Variants in PCDHGA3 observed in about 807,000 individuals in gnomAD.
PCDHGA3 encodes the protein protocadherin gamma-A3.
Under a neutral mutation model 58.5 loss-of-function variants are expected in PCDHGA3, and 40 were observed. The observed-to-expected ratio is 0.68, with a 90% CI of 0.53 to 0.89. PCDHGA3 has a LOEUF of 0.89. Among genes scored for constraint, PCDHGA3 ranks in the 40% least tolerant of loss-of-function variants. The pLI, the probability that PCDHGA3 is intolerant of heterozygous loss-of-function variation, is 0.00. For missense variants in PCDHGA3, 1,223 were observed against 1,195.9 expected, an observed-to-expected ratio of 1.02 and a Z score of -0.33; for synonymous variants, 530 against 525.7, an observed-to-expected ratio of 1.01 and a Z score of -0.11.
intron 1 of PCDHGA3, among the ~76,000 whole-genome samples, chr5:141,464,162 G>A (rs1030872607): frequency 6.6e-6 from 1 of 151,946 alleles, no homozygotes; most frequent in African/African-American, 2.4e-5. Context: ...CTACTTGGAA[G>A]GCTGAGGCAG....
chr5:141,508,647 C>T (rs1301017914), intron 3 of PCDHGA3, among the ~76,000 whole-genome samples: 4 of 152,090 alleles, frequency 2.6e-5, no homozygotes, highest in African/African-American at 9.7e-5. Flanking sequence ...CTCCGTCAGG[C>T]CCTTCCTGTC....
intron 1 of PCDHGA3, chr5:141,357,255 C>T (rs1760523237): frequency 3.1e-6 from 5 of 1,613,736 alleles, no homozygotes; most frequent in Non-Finnish European, 4.2e-6. Flanking sequence ...CAGACCCAGA[C>T]GACTCGGGCC....
chr5:141,502,524 C>T (rs959562458), intron 2 of PCDHGA3, among the ~76,000 whole-genome samples: 3 of 151,910 alleles, frequency 2.0e-5, no homozygotes, highest in East Asian at 1.9e-4. Flanking sequence ...TCAGTGATGC[C>T]GAGTTTGTTC....
At chr5:141,375,793 C>T (rs761231690) in intron 1 of PCDHGA3, 4 of 1,614,110 alleles carry the variant, frequency 2.5e-6, no homozygotes, top group East Asian at 4.5e-5. Context: ...TCCCCACAGA[C>T]GGTTCCACTG....
At position 141,485,680 on chromosome 5, in the gene PCDHGA3, C is replaced by A. The variant is rs1450674419; in HGVS notation, c.2425-9127C>A. The A allele has an allele frequency of 6.2e-7, 1 of 1,613,966 alleles. No individual in the cohort carries two copies. On this transcript the variant is annotated intron_variant, in intron 1 of 3. Transcript: ENST00000253812. The surrounding 1 kb of genome is among the most constrained non-coding windows in gnomAD (Gnocchi z 5.7). ...ATGTGGGGAGCAATTCGATTAGCAGCTATAGGCTGAGCTCCAATGAACACT... is the reference window on the plus strand; with the variant it reads ...ATGTGGGGAGCAATTCGATTAGCAGATATAGGCTGAGCTCCAATGAACACT...
intron 1 of PCDHGA3, chr5:141,405,551 A>G: frequency 1.6e-6 from 1 of 623,672 alleles, no homozygotes; most frequent in Non-Finnish European, 2.8e-6. Context: ...TCCCAAGTAG[A>G]GTAGCTGGGA....
chr5:141,446,988 C>T (rs548721486), intron 1 of PCDHGA3, among the ~76,000 whole-genome samples: 1 of 152,154 alleles, frequency 6.6e-6, no homozygotes, highest in Non-Finnish European at 1.5e-5. Flanking sequence ...TCATACTCCA[C>T]TCTTCAGACT....
rs1407016089 is a variant in PCDHGA3 at position 141,489,914 on chromosome 5, C to T, written c.2425-4893C>T. On this transcript the variant is annotated intron_variant, in intron 1 of 3. Coordinates refer to ENST00000253812, the MANE Select transcript of PCDHGA3 (RefSeq NM_018916.4). The surrounding 1 kb of genome is among the most constrained non-coding windows in gnomAD (Gnocchi z 4.5). Reference sequence around the variant, plus strand: ...GGGGGGACCCCAGCCCGCTCAGGGACCACCCTTATCTCTGTCATCGTGCTG... The same window carrying T: ...GGGGGGACCCCAGCCCGCTCAGGGATCACCCTTATCTCTGTCATCGTGCTG... 3 of 1,614,094 alleles carry T rather than the reference C, an allele frequency of 1.9e-6. No individual in the cohort carries two copies. Among genetic ancestry groups the T allele is most frequent in the African/African-American group, 2.7e-5 (2 of 74,936 alleles).
rs762121534 is a variant in PCDHGA3, at chr5:141,403,984, A to G, written c.2424+57527A>G. 1.7e-5 allele frequency: 27 copies of G among 1,613,774 alleles called. No homozygotes were observed. The South Asian group carries it at 2.7e-4, about 16-fold the overall frequency. On this transcript the variant is annotated intron_variant, in intron 1 of 3. Coordinates refer to ENST00000253812, the MANE Select transcript of PCDHGA3 (RefSeq NM_018916.4). Reference sequence around the variant, plus strand: ...CGGTGGAAGATGTAAATGACAATAGACCTGAAGTGACCATTACATCTCTGT... The same window carrying G: ...CGGTGGAAGATGTAAATGACAATAGGCCTGAAGTGACCATTACATCTCTGT...
At chr5:141,482,936 G>T (rs2099574800) in intron 1 of PCDHGA3, among the ~76,000 whole-genome samples, 1 of 152,050 alleles carries the variant, frequency 6.6e-6, no homozygotes, top group Admixed American at 6.5e-5. Context: ...AGCCAGGTGT[G>T]GTTGTGGGTG....
Position 141,476,819 on chromosome 5 carries a change from C to T in PCDHGA3, c.2425-17988C>T. ...CAGCCTGCCTATTCACATCAAGGTGCTGGACGCGAATGACAATGCGCCTGT... is the reference window on the plus strand; with the variant it reads ...CAGCCTGCCTATTCACATCAAGGTGTTGGACGCGAATGACAATGCGCCTGT... On this transcript the variant is annotated intron_variant, in intron 1 of 3. Coordinates refer to ENST00000253812, the MANE Select transcript of PCDHGA3 (RefSeq NM_018916.4). The surrounding 1 kb of genome is among the most constrained non-coding windows in gnomAD (Gnocchi z 7.6). 6.2e-7 allele frequency: 1 copy of T among 1,613,524 alleles called. No homozygotes were observed. The highest frequency in any genetic ancestry group is 8.5e-7 in the Non-Finnish European group (1 of 1,180,036).
In PCDHGA3 at chr5:141,486,474, C is replaced by T. The variant is rs1594589698; in HGVS notation, c.2425-8333C>T. On this transcript the variant is annotated intron_variant, in intron 1 of 3. Transcript: ENST00000253812. This position sits in a 1 kb window ranked among gnomAD's most constrained non-coding sequence, Gnocchi z 5.0. ...ACTGCTTCTGATGCTGGGAACCCTCCTCTCAGTACCCACAGAACTATTTTC... is the reference window on the plus strand; with the variant it reads ...ACTGCTTCTGATGCTGGGAACCCTCTTCTCAGTACCCACAGAACTATTTTC... 1 of 1,614,016 alleles carries T rather than the reference C, an allele frequency of 6.2e-7. No homozygotes were observed. Among genetic ancestry groups the T allele is most frequent in the South Asian group, 1.1e-5 (1 of 91,082 alleles).
Position 141,477,443 on chromosome 5 carries a change from G to C in PCDHGA3, c.2425-17364G>C. The C allele has an allele frequency of 6.2e-7, 1 of 1,614,136 alleles. No individual in the cohort carries two copies. Among genetic ancestry groups the C allele is most frequent in the Non-Finnish European group, 8.5e-7 (1 of 1,180,024 alleles). ...CCCTTCCCTCTCAGCCCTTACAATA[G>C]TGCGTGTTCAAGTGTCCGACATCAA... On this transcript the variant is annotated intron_variant, in intron 1 of 3. Coordinates refer to ENST00000253812, the MANE Select transcript of PCDHGA3 (RefSeq NM_018916.4). This position sits in a 1 kb window ranked among gnomAD's most constrained non-coding sequence, Gnocchi z 4.9.
chr5:141,390,538 C>CA, intron 1 of PCDHGA3: 3 of 518,310 alleles, frequency 5.8e-6, no homozygotes, highest in Non-Finnish European at 1.0e-5. Flanking sequence ...GTTTTAACCA[C>CA]AAAGTGAAAG....
chr5:141,433,849 A>C (rs116534867), intron 1 of PCDHGA3, among the ~76,000 whole-genome samples: 2,948 of 152,020 alleles, frequency 0.019, 43 homozygotes, highest in African/African-American at 0.028. Context: ...AAAAAAAAAA[A>C]AAAAAACTTT....
chr5:141,397,450 A>G (rs1434264337), intron 1 of PCDHGA3, among the ~76,000 whole-genome samples: 1 of 152,258 alleles, frequency 6.6e-6, no homozygotes, highest in Admixed American at 6.5e-5. Context: ...AATATAAAAC[A>G]CTAGAAATAT....
At chr5:141,448,216 G>A (rs766377717) in intron 1 of PCDHGA3, among the ~76,000 whole-genome samples, 41 of 152,046 alleles carry the variant, frequency 2.7e-4, no homozygotes, top group African/African-American at 1.7e-4. Context: ...GTGTGTATGC[G>A]AATGTATGTG....
intron 1 of PCDHGA3, chr5:141,422,903 A>G (rs1444530801): frequency 1.9e-6 from 3 of 1,614,036 alleles, no homozygotes; most frequent in African/African-American, 2.7e-5. Context: ...CAGAACGACA[A>G]TGCGCCCGAG....
At chr5:141,351,562 C>T in intron 1 of PCDHGA3, 3 of 1,614,052 alleles carry the variant, frequency 1.9e-6, no homozygotes, top group Non-Finnish European at 2.5e-6. Context: ...GGACAAGCAT[C>T]ACCCTGCACA....
Sources: gnomAD v4.1 joint callset for allele counts (sites outside exome capture counted in the v4.1 genomes callset) on GRCh38, gnomAD v4.1.1 for gene constraint, Gnocchi (gnomAD v3.1) non-coding constraint, MANE v1.5 for transcripts, NCBI Gene and HGNC (gene_info 2026-07-23, HGNC 2026-07-21) for gene names.